KCNQ5: variants seen among roughly 807,000 people sequenced by gnomAD.
KCNQ5 encodes the protein potassium voltage-gated channel subfamily Q member 5, also known as potassium voltage-gated channel subfamily KQT member 5.
In KCNQ5, 30 loss-of-function variants were observed where a neutral mutation model predicts 98.2. The ratio of observed to expected loss-of-function variants is 0.31; its 90% CI spans 0.23 to 0.41. The LOEUF (loss-of-function observed/expected upper bound fraction) is 0.41, where lower values mean the gene tolerates loss of function less well. KCNQ5 is among the 10% of genes least tolerant of loss of function. The pLI, the probability that KCNQ5 is intolerant of heterozygous loss-of-function variation, is 1.00. For missense variants in KCNQ5, 835 were observed against 1,182.5 expected, an observed-to-expected ratio of 0.71 and a Z score of 4.31; for synonymous variants, 458 against 449.4, an observed-to-expected ratio of 1.02 and a Z score of -0.24.
chr6:72,854,720 GTACA>G (rs1394278560), intron 1 of KCNQ5, among the ~76,000 whole-genome samples: 21 of 114,540 alleles, frequency 1.8e-4, no homozygotes, highest in African/African-American at 7.7e-4. Context: ...CTCTTTCTTT[GTACA>G]CACACACACA....
chr6:73,011,168 A>T (rs1019558140), intron 2 of KCNQ5, among the ~76,000 whole-genome samples: 2 of 152,148 alleles, frequency 1.3e-5, no homozygotes, highest in East Asian at 3.8e-4. Flanking sequence ...CTATAACATT[A>T]TGAATGTATT....
At chr6:72,782,807 A>G (rs1053051911) in intron 1 of KCNQ5, among the ~76,000 whole-genome samples, 2 of 152,164 alleles carry the variant, frequency 1.3e-5, no homozygotes. Context: ...TTGTCTGTCT[A>G]GACTCGTAGG....
At chr6:73,037,384 T>C (rs1771485024) in intron 2 of KCNQ5, among the ~76,000 whole-genome samples, 1 of 152,194 alleles carries the variant, frequency 6.6e-6, no homozygotes, top group Non-Finnish European at 1.5e-5. Context: ...GTCCAATTTC[T>C]CATTTTTTCC....
In KCNQ5 at chr6:72,924,441, G is replaced by A. The variant is rs141281962; in HGVS notation, c.399-79467G>A. Among the ~76,000 whole-genome samples, 3 of 152,268 alleles carry A rather than the reference G, an allele frequency of 2.0e-5. No homozygotes were observed. The East Asian group carries it at 5.8e-4, about 29-fold the overall frequency. On this transcript the variant is annotated intron_variant, in intron 1 of 13. Transcript: ENST00000370398. ...TTAGAGGTCGTCACCTCACACTGAA[G>A]ACTAAGATAAAAGCGCCTCTTAAGT...
chr6:72,739,546 C>T (rs1053546888), intron 1 of KCNQ5, among the ~76,000 whole-genome samples: 2 of 152,198 alleles, frequency 1.3e-5, no homozygotes, highest in Non-Finnish European at 2.9e-5. Context: ...AACTCTGAGC[C>T]TTTGCCGCCT....
intron 10 of KCNQ5, among the ~76,000 whole-genome samples, chr6:73,169,440 A>G (rs1283693697): frequency 6.6e-6 from 1 of 152,246 alleles, no homozygotes; most frequent in Non-Finnish European, 1.5e-5. Flanking sequence ...GTTAGTTTCC[A>G]AGGAACTGGG....
chr6:72,817,525 C>T lies in KCNQ5; in HGVS notation c.399-186383C>T, dbSNP rs145781737. On this transcript the variant is annotated intron_variant, in intron 1 of 13. Coordinates refer to ENST00000370398, the MANE Select transcript of KCNQ5 (RefSeq NM_019842.4). ...TGAACATGAGCTTGAGAAAGTACCG[C>T]TCAGTGCAATCATGGAACCACAATT... 1.9e-3 allele frequency among the ~76,000 whole-genome samples: 291 copies of T among 152,266 alleles called. 3 individuals are homozygous for T. Among genetic ancestry groups the T allele is most frequent in the Admixed American group, 0.013 (203 of 15,296 alleles).
At chr6:72,787,004 CAAAAAAAA>C (rs1045803750) in intron 1 of KCNQ5, among the ~76,000 whole-genome samples, 19 of 50,464 alleles carry the variant, frequency 3.8e-4, no homozygotes, top group Non-Finnish European at 7.2e-4. Flanking sequence ...GACTCTGTCT[CAAAAAAAA>C]AAAAAAAAAA....
chr6:73,121,833 C>T (rs1202581839), intron 8 of KCNQ5, among the ~76,000 whole-genome samples: 1 of 152,178 alleles, frequency 6.6e-6, no homozygotes, highest in East Asian at 1.9e-4. Context: ...TTTTCCCACC[C>T]ACAAAGAGAA....
chr6:72,971,096 C>T (rs1767872148), intron 1 of KCNQ5, among the ~76,000 whole-genome samples: 1 of 152,168 alleles, frequency 6.6e-6, no homozygotes, highest in Admixed American at 6.5e-5. Context: ...TTGCAATCTA[C>T]TCATCTGACA....
At chr6:72,934,506 G>A (rs1489331823) in intron 1 of KCNQ5, among the ~76,000 whole-genome samples, 4 of 152,152 alleles carry the variant, frequency 2.6e-5, no homozygotes, top group Admixed American at 6.5e-5. Flanking sequence ...CACACAATTA[G>A]TAAATTATAT....
At chr6:73,074,958 T>G (rs1773465418) in intron 3 of KCNQ5, among the ~76,000 whole-genome samples, 1 of 152,206 alleles carries the variant, frequency 6.6e-6, no homozygotes, top group African/African-American at 2.4e-5. Flanking sequence ...AAGCAAAATG[T>G]ATGTCCAACA....
At chr6:72,980,078 G>C (rs1472801710) in intron 1 of KCNQ5, among the ~76,000 whole-genome samples, 3 of 152,130 alleles carry the variant, frequency 2.0e-5, no homozygotes, top group Non-Finnish European at 1.5e-5. Context: ...GGTTACTGTA[G>C]CCTTGTAGTA....
chr6:72,812,852 C>T (rs1775308877), intron 1 of KCNQ5, among the ~76,000 whole-genome samples: 1 of 152,140 alleles, frequency 6.6e-6, no homozygotes, highest in Non-Finnish European at 1.5e-5. Context: ...TACCCTACTA[C>T]CTACTGTCAT....
intron 1 of KCNQ5, among the ~76,000 whole-genome samples, chr6:72,979,976 A>G (rs1768355492): frequency 6.6e-6 from 1 of 152,210 alleles, no homozygotes; most frequent in Non-Finnish European, 1.5e-5. Context: ...GCCAAAGCTC[A>G]GATGGTTGTA....
Position 72,909,793 on chromosome 6 carries a change from C to T in KCNQ5, c.399-94115C>T, listed in dbSNP as rs75988842. On this transcript the variant is annotated intron_variant, in intron 1 of 13. Coordinates refer to ENST00000370398, the MANE Select transcript of KCNQ5 (RefSeq NM_019842.4). ...TCTGGGAGATTTCTAAATTAATAGA[C>T]TGACTGTATCTAAGGCAGAAAATAA... Among the ~76,000 whole-genome samples the T allele has an allele frequency of 2.7e-3, 409 of 152,284 alleles. 4 individuals carry two copies. Among genetic ancestry groups the T allele is most frequent in the East Asian group, 0.021 (107 of 5,192 alleles).
At chr6:72,842,753 T>C (rs954221841) in intron 1 of KCNQ5, among the ~76,000 whole-genome samples, 5 of 152,224 alleles carry the variant, frequency 3.3e-5, no homozygotes, top group African/African-American at 1.2e-4. Context: ...TGACCTTTTT[T>C]TCATATGTTT....
chr6:72,870,693 T>C (rs113786247), intron 1 of KCNQ5, among the ~76,000 whole-genome samples: 1 of 152,346 alleles, frequency 6.6e-6, no homozygotes, highest in African/African-American at 2.4e-5. Flanking sequence ...TATAATCTGA[T>C]TGTTCTAAAA....
At chr6:72,913,972 G>T (rs1283013993) in intron 1 of KCNQ5, among the ~76,000 whole-genome samples, 1 of 152,192 alleles carries the variant, frequency 6.6e-6, no homozygotes, top group East Asian at 1.9e-4. Flanking sequence ...CTCTGGGTCT[G>T]TGTGTCATCA....
Sources: gnomAD v4.1 joint callset for allele counts (sites outside exome capture counted in the v4.1 genomes callset) on GRCh38, gnomAD v4.1.1 for gene constraint, MANE v1.5 for transcripts, NCBI Gene and HGNC (gene_info 2026-07-23, HGNC 2026-07-21) for gene names.